Variants in NUP98 observed in about 807,000 individuals in gnomAD.
The protein encoded by NUP98 is nucleoporin 98 and 96 precursor.
A neutral mutation model predicts 191.9 loss-of-function variants in NUP98; 26 were observed. That is an observed-to-expected ratio of 0.14 (90% confidence interval 0.10 to 0.19). The LOEUF (loss-of-function observed/expected upper bound fraction) is 0.19, where lower values mean the gene tolerates loss of function less well. Ranked by LOEUF, NUP98 falls within the 10% of genes least tolerant of loss-of-function variation. NUP98 has a pLI of 1.00. For missense variants in NUP98, 1,941 were observed against 2,178.8 expected, an observed-to-expected ratio of 0.89 and a Z score of 2.17; for synonymous variants, 808 against 778.4, an observed-to-expected ratio of 1.04 and a Z score of -0.63.
intron 10 of NUP98, among the ~76,000 whole-genome samples, chr11:3,759,797 C>T (rs915956990): frequency 1.3e-5 from 2 of 151,972 alleles, no homozygotes; most frequent in African/African-American, 4.8e-5. Context: ...TGAATAATCC[C>T]CCAAATCAGA....
chr11:3,715,229 C>T (rs2079142667), intron 18 of NUP98, among the ~76,000 whole-genome samples: 1 of 152,198 alleles, frequency 6.6e-6, no homozygotes, highest in African/African-American at 2.4e-5. Flanking sequence ...TCACTTCACC[C>T]TCTGCCTACC....
chr11:3,734,076 C>T (rs1427738045), intron 13 of NUP98, among the ~76,000 whole-genome samples: 2 of 151,112 alleles, frequency 1.3e-5, no homozygotes, highest in Non-Finnish European at 1.5e-5. Flanking sequence ...GCTCTTGTTG[C>T]CCAGGCTGGA....
intron 14 of NUP98, among the ~76,000 whole-genome samples, chr11:3,725,615 C>T (rs757365370): frequency 2.0e-5 from 3 of 152,130 alleles, no homozygotes; most frequent in Non-Finnish European, 2.9e-5. Flanking sequence ...GGCTGTCTCA[C>T]CATAGAACTC....
chr11:3,743,082 G>C (rs889494927), intron 12 of NUP98, among the ~76,000 whole-genome samples: 1 of 151,770 alleles, frequency 6.6e-6, no homozygotes, highest in African/African-American at 2.4e-5. Context: ...GTAGTGGCGC[G>C]ATCTCGGCTC....
chr11:3,710,037 A>AT (rs977549990), intron 20 of NUP98, among the ~76,000 whole-genome samples: 47 of 151,432 alleles, frequency 3.1e-4, no homozygotes, highest in African/African-American at 1.1e-3. Flanking sequence ...ACCTACACGT[A>AT]TCTCTACCTG....
At chr11:3,747,761 T>C (rs554521537) in intron 11 of NUP98, among the ~76,000 whole-genome samples, 1 of 152,304 alleles carries the variant, frequency 6.6e-6, no homozygotes, top group Non-Finnish European at 1.5e-5. Context: ...AACACCCACT[T>C]AGCTATTGCC....
At chr11:3,703,541 T>C (rs1227162631) in intron 22 of NUP98, among the ~76,000 whole-genome samples, 3 of 152,058 alleles carry the variant, frequency 2.0e-5, no homozygotes, top group African/African-American at 7.2e-5. Flanking sequence ...TGATTAGCAT[T>C]ATTATCATTC....
At position 3,701,685 on chromosome 11, in the gene NUP98, TTCTC is replaced by T. The variant is rs529615901; in HGVS notation, c.3512+774_3512+777del. The stretch of plus-strand genomic sequence containing the variant: ...GACATTGTTGTTTTTTCTTTTTCTT[TTCTC>T]TCTTTTTTTTTTTTGAGACTGAGTC... On this transcript the variant is annotated intron_variant, in intron 23 of 32. Coordinates refer to ENST00000324932, the MANE Select transcript of NUP98 (RefSeq NM_016320.5). Among the ~76,000 whole-genome samples the T allele has an allele frequency of 7.0e-3, 1,060 of 151,948 alleles. 11 individuals carry two copies. Among genetic ancestry groups the T allele is most frequent in the African/African-American group, 0.024 (999 of 41,448 alleles).
rs565830400 is a variant in NUP98 at position 3,764,191 on chromosome 11, G to A, written c.949-1152C>T. On this transcript the variant is annotated intron_variant, in intron 8 of 32. Transcript: ENST00000324932. ...TTTATTCTGAACATTTAATGTGAAT[G>A]GAGTCATAAAAAATGTGGTCTTTGG... 7.9e-5 allele frequency among the ~76,000 whole-genome samples: 12 copies of A among 152,172 alleles called. No homozygotes were observed. In the South Asian group the frequency reaches 1.7e-3, roughly 21 times the overall value.
Position 3,724,780 on chromosome 11 carries a change from C to CAAAAAA in NUP98, c.1847+317_1847+322dup, listed in dbSNP as rs71041382. Among the ~76,000 whole-genome samples the CAAAAAA allele has an allele frequency of 6.1e-4, 49 of 80,170 alleles. 3 individuals carry two copies. Among genetic ancestry groups the CAAAAAA allele is most frequent in the African/African-American group, 1.9e-3 (34 of 17,716 alleles). The allele number at this position is 80,170 out of a possible 152,430, so 52.6% of individuals were successfully genotyped here. On this transcript the variant is annotated intron_variant, in intron 15 of 32. Coordinates refer to ENST00000324932, the MANE Select transcript of NUP98 (RefSeq NM_016320.5). ...TGGGCGACAGAGTGAGACTCTGTCT[C>CAAAAAA]AAAAAAAAAAAAGAAAGAAAATCAT...
chr11:3,676,991 C>T (rs2077835075), intron 31 of NUP98, among the ~76,000 whole-genome samples: 1 of 152,178 alleles, frequency 6.6e-6, no homozygotes, highest in Non-Finnish European at 1.5e-5. Context: ...TAATTTAGGT[C>T]CCCTGACTCC....
chr11:3,725,339 A>G, intron 14 of NUP98, 120 bp from the exon 15 acceptor site: 1 of 582,972 alleles, frequency 1.7e-6, no homozygotes, highest in Non-Finnish European at 3.1e-6. Flanking sequence ...TGTACACCTA[A>G]GAATAACCTA....
intron 28 of NUP98, among the ~76,000 whole-genome samples, chr11:3,686,915 A>G (rs1198240680): frequency 2.0e-5 from 3 of 152,126 alleles, no homozygotes; most frequent in African/African-American, 7.2e-5. Context: ...GGAACCCAGG[A>G]GGCGGAGGTT....
intron 12 of NUP98, among the ~76,000 whole-genome samples, chr11:3,739,865 G>C (rs1157181523): frequency 6.6e-6 from 1 of 152,108 alleles, no homozygotes; most frequent in Non-Finnish European, 1.5e-5. Flanking sequence ...CTTATGTGTG[G>C]ATTTCCTCCT....
intron 18 of NUP98, among the ~76,000 whole-genome samples, chr11:3,715,531 T>C (rs532687794): frequency 1.3e-5 from 2 of 152,298 alleles, no homozygotes; most frequent in South Asian, 4.1e-4. Context: ...CATCTTTTCA[T>C]GTACTCCTTG....
At chr11:3,777,999 C>A (rs2081807823) in intron 4 of NUP98, among the ~76,000 whole-genome samples, 2 of 151,788 alleles carry the variant, frequency 1.3e-5, no homozygotes, top group Admixed American at 6.6e-5. Flanking sequence ...GAGATCGAGA[C>A]CATCCTGGCT....
chr11:3,698,301 T>C (rs895423877), intron 25 of NUP98, among the ~76,000 whole-genome samples: 2 of 152,258 alleles, frequency 1.3e-5, no homozygotes, highest in Non-Finnish European at 2.9e-5. Flanking sequence ...ATGTTTGCAG[T>C]GAGTAGTAGT....
chr11:3,679,121 C>T (rs9736145), intron 31 of NUP98, among the ~76,000 whole-genome samples: 30,473 of 113,118 alleles, frequency 0.27, 3,310 homozygotes, highest in Middle Eastern at 0.34. Context: ...AGACTCTGTT[C>T]CAAAAAAAAA....
At chr11:3,704,991 G>C (rs2078816527) in intron 22 of NUP98, among the ~76,000 whole-genome samples, 1 of 152,246 alleles carries the variant, frequency 6.6e-6, no homozygotes, top group Non-Finnish European at 1.5e-5. Context: ...CTGTGCAACA[G>C]AGAGAGACCC....
Sources: gnomAD v4.1 joint callset for allele counts (sites outside exome capture counted in the v4.1 genomes callset) on GRCh38, gnomAD v4.1.1 for gene constraint, MANE v1.5 for transcripts, NCBI Gene and HGNC (gene_info 2026-07-23, HGNC 2026-07-21) for gene names.